The following DNAH5 variants were observed in gnomAD, a reference collection of about 807,000 sequenced individuals.
The protein encoded by DNAH5 is axonemal beta dynein heavy chain 5.
In DNAH5, 372 loss-of-function variants were observed where a neutral mutation model predicts 518.2. That is an observed-to-expected ratio of 0.72 (90% CI 0.66 to 0.78). The LOEUF (loss-of-function observed/expected upper bound fraction) is 0.78, where lower values mean the gene tolerates loss of function less well. Among genes scored for constraint, DNAH5 ranks in the 30% least tolerant of loss-of-function variants. The pLI is 0.00. For missense variants in DNAH5, 5,523 were observed against 5,687.0 expected (o/e 0.97, Z 0.93); for synonymous variants, 2,039 against 2,025.9 (o/e 1.01, Z -0.17).
chr5:13,906,632 C>G (rs1310230885), intron 12 of DNAH5, among the ~76,000 whole-genome samples: 1 of 152,100 alleles, frequency 6.6e-6, no homozygotes, highest in South Asian at 2.1e-4. Context: ...ATAAAGTATT[C>G]CATGTTCTCA....
intron 1 of DNAH5, among the ~76,000 whole-genome samples, chr5:13,969,711 T>C (rs1781750782): frequency 6.6e-6 from 1 of 152,158 alleles, no homozygotes; most frequent in Non-Finnish European, 1.5e-5. Context: ...TATCAAGACT[T>C]GTTTTGTGGC....
chr5:13,913,783 G>T lies in DNAH5; in HGVS notation c.1496C>A (p.Ser499Tyr). ...TLKTYSVLQD[S>Y]TIEGLEDMAT... ...CATGTCTTCCAGCCCTTCAATTGTG[G>T]AATCTTGCAGGACTGAATACGTCTT... Residue 499 changes from serine to tyrosine, a missense_variant, in exon 11 of 79, where the codon TCC becomes TAC. Ser to Tyr is a moderately radical substitution (Grantham distance 144, BLOSUM62 -2). Around this residue, in one of 3 missense-constraint regions of DNAH5, gnomAD observed 5,121 missense variants for 5,223.3 expected, o/e 0.98. Transcript: ENST00000265104. The T allele has an allele frequency of 6.2e-7, 1 of 1,613,532 alleles. No individual in the cohort carries two copies. Among genetic ancestry groups the T allele is most frequent in the Non-Finnish European group, 8.5e-7 (1 of 1,179,508 alleles).
chr5:13,840,737 G>A (rs1256699255), intron 34 of DNAH5, among the ~76,000 whole-genome samples, 169 bp downstream of exon 34: 3 of 152,182 alleles, frequency 2.0e-5, no homozygotes, highest in South Asian at 2.1e-4. Flanking sequence ...TATGACTTAC[G>A]TTCAGTTAAG....
Position 13,752,146 on chromosome 5 carries a change from C to A in DNAH5, c.11016G>T (p.Gly3672=), listed in dbSNP as rs1580060938. 10 of 1,613,864 alleles carry A rather than the reference C, an allele frequency of 6.2e-6. No individual in the cohort carries two copies. The African/African-American group carries it at 1.1e-4, about 17-fold the overall frequency. ...AGGTTTAACCTACCTTAAAGGTAGA[C>A]CCAGTTTTAATGAAGTTTCTTTCCA... ...NVLERNFIKT[G]STFKVKVGDK... The change falls in exon 64 of 79, where the codon GGG becomes GGT. Residue 3672 remains glycine, a synonymous_variant. Coordinates refer to ENST00000265104, the MANE Select transcript of DNAH5 (RefSeq NM_001369.3).
At chr5:13,701,714 T>C (rs912519666) in intron 76 of DNAH5, among the ~76,000 whole-genome samples, 3 of 152,218 alleles carry the variant, frequency 2.0e-5, no homozygotes, top group African/African-American at 7.2e-5. Context: ...CTAACGTCAA[T>C]TGAATCACTT....
In DNAH5 at chr5:13,885,996, T is replaced by C; in HGVS notation, c.2711A>G (p.Glu904Gly). ...TTCATTTTTGTAATTAACACTATTC[T>C]CATTGGATATTTTTTCACTTTCTTC... Reference protein sequence around the residue: ...SEEESEKISNENSVNYKNESS... With the variant: ...SEEESEKISNGNSVNYKNESS... Residue 904 changes from glutamate to glycine, a missense_variant, in exon 18 of 79, where the codon GAG becomes GGG. By Grantham distance (98) the Glu-to-Gly change is moderately conservative. This residue lies in a region of DNAH5 where 5,121 missense variants were observed against 5,223.3 expected (regional missense o/e 0.98). Transcript: ENST00000265104. 1 of 1,613,112 alleles carries C rather than the reference T, an allele frequency of 6.2e-7. No homozygotes were observed. Among genetic ancestry groups the C allele is most frequent in the Non-Finnish European group, 8.5e-7 (1 of 1,179,812 alleles).
intron 58 of DNAH5, among the ~76,000 whole-genome samples, chr5:13,768,429 T>C (rs574825031): frequency 5.2e-4 from 79 of 152,296 alleles, no homozygotes; most frequent in Non-Finnish European, 9.1e-4. Context: ...TGTTTATAAA[T>C]TACCCCGTCT....
chr5:13,795,673 A>G (rs193028884), intron 47 of DNAH5, among the ~76,000 whole-genome samples: 15 of 152,356 alleles, frequency 9.8e-5, no homozygotes, highest in Admixed American at 8.5e-4. Context: ...CAATAGAAAA[A>G]GAGGGAATCC....
intron 16 of DNAH5, among the ~76,000 whole-genome samples, chr5:13,893,828 A>G (rs1036730578): frequency 1.3e-5 from 2 of 151,688 alleles, no homozygotes; most frequent in Non-Finnish European, 2.9e-5. Context: ...ACTCTGGGCT[A>G]TAAGAGTGGG....
intron 5 of DNAH5, among the ~76,000 whole-genome samples, chr5:13,921,576 C>T (rs537746397): frequency 1.5e-4 from 22 of 150,076 alleles, no homozygotes; most frequent in Non-Finnish European, 2.7e-4. Context: ...TTATTATAAA[C>T]AGCACAAATC....
At chr5:13,752,352 A>G in intron 63 of DNAH5, 63 bp from the exon 64 acceptor site, 1 of 1,564,866 alleles carries the variant, frequency 6.4e-7, no homozygotes, top group Non-Finnish European at 8.8e-7. Flanking sequence ...CACAGGGATA[A>G]CTGTTTTCAA....
chr5:13,903,397 C>T (rs1405059813), intron 12 of DNAH5, among the ~76,000 whole-genome samples: 1 of 151,516 alleles, frequency 6.6e-6, no homozygotes, highest in South Asian at 2.1e-4. Flanking sequence ...GGAAGAAGAA[C>T]CTAAGATATT....
At chr5:13,894,071 A>G (rs34100137) in intron 16 of DNAH5, among the ~76,000 whole-genome samples, 80,539 of 151,574 alleles carry the variant, frequency 0.53, 21,728 homozygotes, top group African/African-American at 0.63. Context: ...CTACTGGGAC[A>G]CTGGCATGTT....
At chr5:13,901,984 T>C in intron 13 of DNAH5, 69 bp downstream of exon 13, 1 of 1,089,268 alleles carries the variant, frequency 9.2e-7, no homozygotes, top group Non-Finnish European at 1.3e-6. Flanking sequence ...ATAATAATAA[T>C]AGGAATAACA....
At chr5:13,846,076 T>C (rs1765967803) in intron 31 of DNAH5, among the ~76,000 whole-genome samples, 2 of 151,416 alleles carry the variant, frequency 1.3e-5, no homozygotes, top group Non-Finnish European at 2.9e-5. Context: ...TGACCTCAAA[T>C]GATCCATCTG....
At chr5:13,969,991 T>C (rs969159977) in intron 1 of DNAH5, among the ~76,000 whole-genome samples, 25 of 152,200 alleles carry the variant, frequency 1.6e-4, no homozygotes, top group Non-Finnish European at 3.2e-4. Context: ...TAGATGCATA[T>C]ATATTTAAGA....
intron 60 of DNAH5, among the ~76,000 whole-genome samples, chr5:13,759,469 A>C (rs1751486276): frequency 6.6e-6 from 1 of 152,240 alleles, no homozygotes; most frequent in Non-Finnish European, 1.5e-5. Context: ...ATTTAGAACT[A>C]TCTGCCTAGC....
In DNAH5 at chr5:13,772,599, A is replaced by C. The variant is rs532338429; in HGVS notation, c.9374-1619T>G. Among the ~76,000 whole-genome samples, 260 of 152,364 alleles carry C rather than the reference A, an allele frequency of 1.7e-3. 1 individual carries two copies. Among genetic ancestry groups the C allele is most frequent in the African/African-American group, 6.1e-3 (252 of 41,592 alleles). On this transcript the variant is annotated intron_variant, in intron 55 of 78. Transcript: ENST00000265104. ...TTGGGGCTACCTCCAGGGATTTTAC[A>C]ACATAAAGCATATTTTTCTTTAAAT...
intron 16 of DNAH5, among the ~76,000 whole-genome samples, chr5:13,893,633 T>A (rs1194866507): frequency 2.6e-5 from 4 of 152,036 alleles, no homozygotes; most frequent in African/African-American, 9.7e-5. Flanking sequence ...AGAAAAAAAA[T>A]TAAACAGCCT....
Sources: allele counts gnomAD v4.1 joint callset (sites outside exome capture counted in the v4.1 genomes callset), GRCh38; gene constraint gnomAD v4.1.1; regional missense constraint gnomAD v4.1.1; transcripts MANE v1.5; gene names NCBI Gene and HGNC (gene_info 2026-07-23, HGNC 2026-07-21).